Variants in CSNK2A2IP observed in about 807,000 individuals in gnomAD.
CSNK2A2IP encodes casein kinase II subunit alpha'-interacting protein.
the CSNK2A2IP span, among the ~76,000 whole-genome samples, chr3:88,341,838 A>G: frequency 6.6e-6 from 1 of 151,986 alleles, no homozygotes; most frequent in East Asian, 1.9e-4. Context: ...ATGTATTTGA[A>G]TGTATACATT....
chr3:88,447,790 C>A, the CSNK2A2IP span, among the ~76,000 whole-genome samples: 16 of 152,120 alleles, frequency 1.1e-4, no homozygotes, highest in Non-Finnish European at 1.9e-4. Flanking sequence ...TACTTATCAT[C>A]AGAGTACTTA....
chr3:88,352,713 G>A, the CSNK2A2IP span, among the ~76,000 whole-genome samples: 1 of 151,968 alleles, frequency 6.6e-6, no homozygotes, highest in Admixed American at 6.6e-5. Flanking sequence ...TGAGTAGCCC[G>A]GACCACAGGC....
At chr3:88,451,696 A>T in the CSNK2A2IP span, among the ~76,000 whole-genome samples, 19 of 147,066 alleles carry the variant, frequency 1.3e-4, no homozygotes, top group East Asian at 3.2e-3. Flanking sequence ...GTGAGTTAAA[A>T]TTTTTTTATA....
At chr3:88,450,824 T>TATC in the CSNK2A2IP span, among the ~76,000 whole-genome samples, 1 of 152,172 alleles carries the variant, frequency 6.6e-6, no homozygotes, top group Non-Finnish European at 1.5e-5. Flanking sequence ...AGCAGGTAGG[T>TATC]ATCTTTATGA....
chr3:88,454,316 T>C, the CSNK2A2IP span, among the ~76,000 whole-genome samples: 8 of 145,232 alleles, frequency 5.5e-5, no homozygotes, highest in Non-Finnish European at 9.1e-5. Context: ...CTATATATGA[T>C]TGATACAAGT....
At chr3:88,357,845 C>A in the CSNK2A2IP span, among the ~76,000 whole-genome samples, 1 of 151,820 alleles carries the variant, frequency 6.6e-6, no homozygotes, top group Non-Finnish European at 1.5e-5. Context: ...ACTTCTACCT[C>A]CAAGGATTAA....
At chr3:88,420,043 C>T in the CSNK2A2IP span, among the ~76,000 whole-genome samples, 3 of 152,128 alleles carry the variant, frequency 2.0e-5, no homozygotes, top group Admixed American at 2.0e-4. Context: ...AATGCCCAGG[C>T]CCCTACCAGA....
At chr3:88,348,464 A>G in the CSNK2A2IP span, among the ~76,000 whole-genome samples, 66,502 of 151,784 alleles carry the variant, frequency 0.44, 15,819 homozygotes, top group South Asian at 0.62. Context: ...ATGTACAGGT[A>G]ATCCAGAAGA....
chr3:88,465,377 A>G, the CSNK2A2IP span: 1 of 1,231,520 alleles, frequency 8.1e-7, no homozygotes, highest in Non-Finnish European at 1.0e-6. Flanking sequence ...CTAGCATATT[A>G]TGGTCAACAC....
chr3:88,453,418 G>A, the CSNK2A2IP span, among the ~76,000 whole-genome samples: 3 of 152,034 alleles, frequency 2.0e-5, no homozygotes, highest in Non-Finnish European at 4.4e-5. Flanking sequence ...TGAGTATTAA[G>A]TTAAGTAGAA....
At chr3:88,391,612 G>A in the CSNK2A2IP span, among the ~76,000 whole-genome samples, 1 of 152,162 alleles carries the variant, frequency 6.6e-6, no homozygotes, top group Non-Finnish European at 1.5e-5. Context: ...ATAGCCAGAT[G>A]AAGAGTGAAA....
chr3:88,363,311 C>A, the CSNK2A2IP span, among the ~76,000 whole-genome samples: 3 of 152,048 alleles, frequency 2.0e-5, no homozygotes, highest in Non-Finnish European at 4.4e-5. Context: ...CTAATCTTTT[C>A]TTCTGCAATG....
At chr3:88,385,510 C>CTT in the CSNK2A2IP span, among the ~76,000 whole-genome samples, 14 of 151,624 alleles carry the variant, frequency 9.2e-5, no homozygotes, top group African/African-American at 3.4e-4. Flanking sequence ...TATGAAATAA[C>CTT]TTTTTTTTTG....
the CSNK2A2IP span, among the ~76,000 whole-genome samples, chr3:88,366,989 A>C: frequency 9.5e-3 from 1,442 of 152,158 alleles, 11 homozygotes; most frequent in Admixed American, 0.015. Context: ...CACTACCATG[A>C]GAAGAGTATA....
the CSNK2A2IP span, among the ~76,000 whole-genome samples, chr3:88,369,971 C>T: frequency 5.3e-5 from 8 of 151,832 alleles, no homozygotes; most frequent in African/African-American, 1.5e-4. Flanking sequence ...CCACCAGGGG[C>T]CTAGGCTGAA....
chr3:88,339,627 A>G, the CSNK2A2IP span, among the ~76,000 whole-genome samples: 1 of 152,064 alleles, frequency 6.6e-6, no homozygotes, highest in Non-Finnish European at 1.5e-5. Flanking sequence ...TACCTACAAG[A>G]TTGTTCAGTG....
chr3:88,466,701 C>T, the CSNK2A2IP span: 1 of 1,139,374 alleles, frequency 8.8e-7, no homozygotes, highest in Non-Finnish European at 1.1e-6. Flanking sequence ...AGAGGGATCT[C>T]TGTAGGCAGA....
At chr3:88,375,658 A>G in the CSNK2A2IP span, among the ~76,000 whole-genome samples, 1 of 151,806 alleles carries the variant, frequency 6.6e-6, no homozygotes, top group Non-Finnish European at 1.5e-5. Context: ...ACTACAGCAA[A>G]CAGTGGGGAA....
chr3:88,465,539 A>C, the CSNK2A2IP span: 1 of 1,231,734 alleles, frequency 8.1e-7, no homozygotes, highest in Non-Finnish European at 1.0e-6. Context: ...CTGGGCTCCA[A>C]TAAGAAGGTC....
Sources: gnomAD v4.1 joint callset for allele counts (sites outside exome capture counted in the v4.1 genomes callset) on GRCh38, gnomAD v4.1.1 for gene constraint, MANE v1.5 for transcripts, NCBI Gene and HGNC (gene_info 2026-07-23, HGNC 2026-07-21) for gene names.